SLC17A8: variants seen among roughly 807,000 people sequenced by gnomAD.
SLC17A8 encodes solute carrier family 17 member 8, also known as vesicular glutamate transporter 3.
Under a neutral mutation model 58.0 loss-of-function variants are expected in SLC17A8, and 31 were observed. The ratio of observed to expected loss-of-function variants is 0.53; its 90% CI spans 0.40 to 0.72. SLC17A8 has a LOEUF of 0.72. Ranked by LOEUF, SLC17A8 falls within the 30% of genes least tolerant of loss-of-function variation. The pLI is 0.00. For missense variants in SLC17A8, 655 were observed against 727.8 expected (o/e 0.90, Z 1.15); for synonymous variants, 228 against 249.0 (o/e 0.92, Z 0.79).
In SLC17A8 at chr12:100,390,983, C is replaced by T; in HGVS notation, c.355-18C>T. 6.5e-7 allele frequency: 1 copy of T among 1,539,160 alleles called. No homozygotes were observed. Among genetic ancestry groups the T allele is most frequent in the South Asian group, 1.1e-5 (1 of 89,570 alleles). On this transcript the variant is annotated intron_variant, in intron 2 of 11. Coordinates refer to ENST00000323346, the MANE Select transcript of SLC17A8 (RefSeq NM_139319.3). ...CTTTTTCTAACAAACACAACTATAT[C>T]TGATTTCTCATTTCCAGACAGCACA...
At chr12:100,376,233 G>T (rs899374324) in intron 1 of SLC17A8, among the ~76,000 whole-genome samples, 1 of 152,184 alleles carries the variant, frequency 6.6e-6, no homozygotes, top group East Asian at 1.9e-4. Context: ...CTAGTTTGTG[G>T]TGCTTTGTTA....
At chr12:100,406,236 C>T (rs1390254478) in intron 9 of SLC17A8, among the ~76,000 whole-genome samples, 2 of 152,134 alleles carry the variant, frequency 1.3e-5, no homozygotes, top group Non-Finnish European at 2.9e-5. Context: ...TCCAGTGATC[C>T]CTCTGAATAT....
At chr12:100,359,854 A>T (rs1311731201) in intron 1 of SLC17A8, among the ~76,000 whole-genome samples, 1 of 152,210 alleles carries the variant, frequency 6.6e-6, no homozygotes, top group Admixed American at 6.5e-5. Flanking sequence ...CAGTTGACAG[A>T]ATCCCATGTA....
chr12:100,399,697 C>G (rs1475432516), intron 5 of SLC17A8, among the ~76,000 whole-genome samples: 1 of 152,128 alleles, frequency 6.6e-6, no homozygotes, highest in Non-Finnish European at 1.5e-5. Flanking sequence ...GCCCCCATGA[C>G]CCAGTCACCT....
intron 8 of SLC17A8, 127 bp downstream of exon 8, chr12:100,402,872 CCTGG>C (rs1347472824): frequency 1.0e-6 from 1 of 966,436 alleles, no homozygotes; most frequent in Admixed American, 2.7e-5. Flanking sequence ...CACCTAATAG[CCTGG>C]CTGTCAGACA....
rs1566396594 is a variant in SLC17A8 at position 100,393,385 on chromosome 12, ATCT to A, written c.495_497del (p.Phe165del). ...GTCCCCCAGGGTCTTTGGAGCTGCC[ATCT>A]TCTTAACATCGACTCTGAACATGTT... On this transcript the variant is annotated inframe_deletion, in exon 4 of 12. Transcript: ENST00000323346. 1 of 1,613,560 alleles carries A rather than the reference ATCT, an allele frequency of 6.2e-7. No individual in the cohort carries two copies. Among genetic ancestry groups the A allele is most frequent in the Non-Finnish European group, 8.5e-7 (1 of 1,179,676 alleles).
intron 1 of SLC17A8, among the ~76,000 whole-genome samples, chr12:100,374,498 G>A (rs1952580746): frequency 6.6e-6 from 1 of 152,172 alleles, no homozygotes; most frequent in African/African-American, 2.4e-5. Flanking sequence ...TGTAATCCCA[G>A]CTACTCGGGA....
At chr12:100,405,620 C>T (rs1952821495) in intron 9 of SLC17A8, among the ~76,000 whole-genome samples, 1 of 152,104 alleles carries the variant, frequency 6.6e-6, no homozygotes, top group Admixed American at 6.6e-5. Flanking sequence ...CGCCATAGCA[C>T]CTCTAGAAGG....
intron 2 of SLC17A8, among the ~76,000 whole-genome samples, chr12:100,382,780 A>G (rs543723454): frequency 1.3e-4 from 20 of 152,326 alleles, no homozygotes; most frequent in African/African-American, 4.3e-4. Flanking sequence ...TTCATGCCAT[A>G]TCTATTAGCA....
At chr12:100,399,114 G>A (rs1371973936) in intron 5 of SLC17A8, among the ~76,000 whole-genome samples, 3 of 152,186 alleles carry the variant, frequency 2.0e-5, no homozygotes, top group Non-Finnish European at 4.4e-5. Context: ...AACTGAGGCT[G>A]AGGGAGGAAA....
chr12:100,364,001 T>C (rs963957600), intron 1 of SLC17A8, among the ~76,000 whole-genome samples: 1 of 128,212 alleles, frequency 7.8e-6, no homozygotes, highest in African/African-American at 3.1e-5. Context: ...TGAGCTGAGA[T>C]AGAGCCACTG....
rs756353446 is a variant in SLC17A8 at position 100,402,545 on chromosome 12, A to G, written c.904-51A>G. On this transcript the variant is annotated intron_variant, in intron 7 of 11. Coordinates refer to ENST00000323346, the MANE Select transcript of SLC17A8 (RefSeq NM_139319.3). ...AAGTGATTGTGTTGCCTTCTTACAG[A>G]AAAAATGTCAATATCTTTACTAAAA... 3 of 1,613,034 alleles carry G rather than the reference A, an allele frequency of 1.9e-6. No individual in the cohort carries two copies. In the East Asian group the frequency reaches 6.7e-5, roughly 36 times the overall value.
chr12:100,409,718 T>C (rs1282758162), intron 9 of SLC17A8, among the ~76,000 whole-genome samples: 1 of 152,110 alleles, frequency 6.6e-6, no homozygotes, highest in African/African-American at 2.4e-5. Context: ...GTAAGATTTA[T>C]CCAGAAAAAG....
intron 5 of SLC17A8, among the ~76,000 whole-genome samples, chr12:100,399,902 G>A (rs1485845777): frequency 6.6e-6 from 1 of 152,104 alleles, no homozygotes; most frequent in Admixed American, 6.5e-5. Flanking sequence ...AGGGCTTTGG[G>A]GTTCCACAGA....
At chr12:100,360,516 C>A (rs1354623213) in intron 1 of SLC17A8, among the ~76,000 whole-genome samples, 1 of 152,076 alleles carries the variant, frequency 6.6e-6, no homozygotes, top group Non-Finnish European at 1.5e-5. Context: ...CTCACTGCAG[C>A]CTCAAACTCC....
chr12:100,416,909 T>C (rs1214888334), intron 10 of SLC17A8, among the ~76,000 whole-genome samples: 6 of 152,214 alleles, frequency 3.9e-5, no homozygotes, highest in Admixed American at 3.9e-4. Context: ...TCAACTAAGC[T>C]GCCAGAACTG....
At chr12:100,411,552 G>A (rs1952867640) in intron 9 of SLC17A8, among the ~76,000 whole-genome samples, 1 of 152,050 alleles carries the variant, frequency 6.6e-6, no homozygotes, top group Admixed American at 6.6e-5. Context: ...TTGCCTTTGA[G>A]GTACTGTAGA....
Position 100,418,629 on chromosome 12 carries a change from C to A in SLC17A8, c.1425+473C>A, listed in dbSNP as rs372157510. Among the ~76,000 whole-genome samples, 11 of 152,308 alleles carry A rather than the reference C, an allele frequency of 7.2e-5. No individual in the cohort carries two copies. The South Asian group carries it at 1.9e-3, about 26-fold the overall frequency. ...GATAACCTACCCAGTTGTTACTGAG[C>A]CTTTGTGAATTTAGACAAGGGTGGA... is the stretch of plus-strand genomic sequence containing the variant. On this transcript the variant is annotated intron_variant, in intron 11 of 11. Transcript: ENST00000323346.
intron 1 of SLC17A8, among the ~76,000 whole-genome samples, chr12:100,373,310 C>T (rs574079880): frequency 3.3e-5 from 5 of 152,282 alleles, no homozygotes; most frequent in East Asian, 3.9e-4. Flanking sequence ...GAAATGAGTT[C>T]GTTTTTCTTC....
Sources: allele counts gnomAD v4.1 joint callset (sites outside exome capture counted in the v4.1 genomes callset), GRCh38; gene constraint gnomAD v4.1.1; transcripts MANE v1.5; gene names NCBI Gene and HGNC (gene_info 2026-07-23, HGNC 2026-07-21).